The following SLC6A4 variants were observed in gnomAD, a reference collection of about 807,000 sequenced individuals.
SLC6A4 encodes solute carrier family 6 member 4.
In SLC6A4, 22 loss-of-function variants were observed where a neutral mutation model predicts 73.4. The observed-to-expected ratio is 0.30, with a 90% CI of 0.21 to 0.43. The LOEUF is 0.43. SLC6A4 is among the 20% of genes least tolerant of loss of function. The probability of loss-of-function intolerance (pLI) is 1.00; values close to 1 mark genes in which losing one functional copy is unlikely to be tolerated. For synonymous variants in SLC6A4, 270 were observed against 315.5 expected, an observed-to-expected ratio of 0.86 and a Z score of 1.53; for missense variants, 593 against 808.5, an observed-to-expected ratio of 0.73 and a Z score of 3.23.
At chr17:30,209,359 C>G (rs893527968) in intron 11 of SLC6A4, 117 bp from the exon 12 acceptor site, 4 of 650,150 alleles carry the variant, frequency 6.2e-6, no homozygotes, top group African/African-American at 1.8e-5. Context: ...CACCTGGGAC[C>G]GAACGTGAGT....
At chr17:30,220,433 A>T (rs1446067759) in intron 3 of SLC6A4, among the ~76,000 whole-genome samples, 1 of 152,138 alleles carries the variant, frequency 6.6e-6, no homozygotes, top group Non-Finnish European at 1.5e-5. Context: ...ATAATCTACA[A>T]GTTAACTACT....
Position 30,218,384 on chromosome 17 carries a change from G to A in SLC6A4, c.479-47C>T, listed in dbSNP as rs529525180. 4 of 1,487,982 alleles carry A rather than the reference G, an allele frequency of 2.7e-6. No individual in the cohort carries two copies. The South Asian group carries it at 3.5e-5, about 13-fold the overall frequency. The allele number at this position is 1,487,982 out of a possible 1,614,324, so 92.2% of individuals were successfully genotyped here. On this transcript the variant is annotated intron_variant, in intron 4 of 14. Coordinates refer to ENST00000650711, the MANE Select transcript of SLC6A4 (RefSeq NM_001045.6). ...GAGACAGAGGCCGAGTTTAAGGGTG[G>A]CCCAACGGCAAAAGGCTGAAACGGG...
In SLC6A4 at chr17:30,225,049, A is replaced by G. The variant is rs56150732; in HGVS notation, c.-220-2134T>C. Among the ~76,000 whole-genome samples the G allele has an allele frequency of 1.7e-3, 256 of 152,248 alleles. 1 individual carries two copies. The highest frequency in any genetic ancestry group is 5.7e-3 in the African/African-American group (237 of 41,528). On this transcript the variant is annotated intron_variant, in intron 1 of 14. Transcript: ENST00000650711. ...TACATCAACAGGCTGAAATGGCCCC[A>G]GTGCAAGAAAACCCAGAGCATCCCT...
At chr17:30,204,220 AATTTT>A (rs1179506614) in intron 13 of SLC6A4, 4 of 152,338 alleles carry the variant, frequency 2.6e-5, no homozygotes, top group African/African-American at 4.8e-5. Context: ...CTGTTGATTT[AATTTT>A]ATTTTATTAT....
At chr17:30,221,587 A>G in intron 3 of SLC6A4, 29 bp downstream of exon 3, 1 of 1,590,138 alleles carries the variant, frequency 6.3e-7, no homozygotes, top group East Asian at 2.2e-5. Flanking sequence ...CCTGGGTCAC[A>G]GCCTCTACTC....
At chr17:30,220,563 G>A (rs1906715082) in intron 3 of SLC6A4, among the ~76,000 whole-genome samples, 1 of 152,220 alleles carries the variant, frequency 6.6e-6, no homozygotes, top group African/African-American at 2.4e-5. Flanking sequence ...ATGTCATGCT[G>A]TGGATCTAAT....
At chr17:30,199,713 T>C (rs1188702735) in intron 14 of SLC6A4, among the ~76,000 whole-genome samples, 1 of 152,122 alleles carries the variant, frequency 6.6e-6, no homozygotes, top group African/African-American at 2.4e-5. Context: ...AAAGGAGTCA[T>C]TGCAGGGAGT....
chr17:30,207,660 A>G lies in SLC6A4; in HGVS notation c.1650+72T>C, dbSNP rs930470441. 1.8e-4 allele frequency: 185 copies of G among 1,037,678 alleles called. 1 individual carries two copies. The highest frequency in any genetic ancestry group is 2.5e-4 in the Non-Finnish European group (164 of 661,608). The allele number at this position is 1,037,678 out of a possible 1,614,324, so 64.3% of individuals were successfully genotyped here. A position where few individuals can be genotyped will look rare whatever the true frequency, so the allele number is the denominator to read the frequency against. ...GGATGAGCCACCGTGCCCAGCCATT[A>G]CAATTCATTTTTTATGTGTCTGGGG... On this transcript the variant is annotated intron_variant, in intron 13 of 14. Transcript: ENST00000650711.
intron 1 of SLC6A4, among the ~76,000 whole-genome samples, chr17:30,230,720 TGGAGGGGAGAA>T (rs1907086617): frequency 6.6e-6 from 1 of 151,548 alleles, no homozygotes; most frequent in South Asian, 2.1e-4. Flanking sequence ...GGGTGGGGCA[TGGAGGGGAGAA>T]GGAGAGGTGA....
intron 1 of SLC6A4, among the ~76,000 whole-genome samples, chr17:30,231,726 G>C (rs1214983007): frequency 6.6e-6 from 1 of 152,194 alleles, no homozygotes; most frequent in Non-Finnish European, 1.5e-5. Context: ...CTCAGCCAGT[G>C]CTGGGAAACT....
Position 30,210,539 on chromosome 17 carries a change from A to G in SLC6A4, c.1425T>C (p.Phe475=), listed in dbSNP as rs1906350809. The change falls in exon 11 of 15, where the codon TTT becomes TTC. Residue 475 remains phenylalanine (F), a synonymous_variant. Coordinates refer to ENST00000650711, the MANE Select transcript of SLC6A4 (RefSeq NM_001045.6). ...CAAAAGTCAGGGTGACCAGGGATCC[A>G]AAGAAGCAGGTGATGACCACGGCGA... ...FVLAVVITCF[F]GSLVTLTFGG... is the part of the protein sequence containing the mutation. The G allele has an allele frequency of 9.3e-6, 15 of 1,613,798 alleles. No homozygotes were observed. Among genetic ancestry groups the G allele is most frequent in the Non-Finnish European group, 1.3e-5 (15 of 1,179,884 alleles).
At chr17:30,215,239 C>T (rs1332064698) in intron 8 of SLC6A4, among the ~76,000 whole-genome samples, 1 of 152,146 alleles carries the variant, frequency 6.6e-6, no homozygotes, top group Non-Finnish European at 1.5e-5. Flanking sequence ...GACAGGGTTT[C>T]GCCATGTTGG....
In SLC6A4 at chr17:30,222,837, C is replaced by G. The variant is rs1226342409; in HGVS notation, c.-142G>C. 16 of 1,304,602 alleles carry G rather than the reference C, an allele frequency of 1.2e-5. No homozygotes were observed. In the South Asian group the frequency reaches 1.9e-4, roughly 15 times the overall value. 80.8% of individuals were successfully genotyped at this position (1,304,602 alleles called of 1,614,324 possible). A position where few individuals can be genotyped will look rare whatever the true frequency, so the allele number is the denominator to read the frequency against. On this transcript the variant is annotated 5_prime_UTR_variant, in exon 2 of 15. Transcript: ENST00000650711. ...TGCTCACCATTTGTTCTTCTTTCCA[C>G]TTGCCAGCAACTCCTGTGGCTAAGC...
chr17:30,210,615 A>G lies in SLC6A4; in HGVS notation c.1349T>C (p.Val450Ala). Reference sequence around the variant, plus strand: ...CCAGACGTGTGGGAACTCATCCAGCACAGCCGTGATCACCCCCTCCAAGCC... The same window carrying G: ...CCAGACGTGTGGGAACTCATCCAGCGCAGCCGTGATCACCCCCTCCAAGCC... ...FAGLEGVITA[V>A]LDEFPHVWAK... is the part of the protein sequence containing the mutation. The change falls in exon 11 of 15, where the codon GTG (valine) becomes GCG (alanine). Residue 450 changes from valine to alanine, a missense_variant. Val to Ala is a moderately conservative substitution (Grantham distance 64). Transcript: ENST00000650711. The G allele has an allele frequency of 6.2e-7, 1 of 1,613,604 alleles. No individual in the cohort carries two copies. The highest frequency in any genetic ancestry group is 1.1e-5 in the South Asian group (1 of 91,020).
rs763069645 is a variant in SLC6A4 at position 30,221,918 on chromosome 17, G to T, written c.41C>A (p.Ala14Glu). The change falls in exon 3 of 15, where the codon GCG becomes GAG. Residue 14 changes from alanine to glutamate, a missense_variant. By Grantham distance (107) the Ala-to-Glu change is moderately radical. Transcript: ENST00000650711. ...CTGACAATCTTCTCCATCTTCACACGCTGATAGCTGCTTCTGAGAATTCAA... is the reference window on the plus strand; with the variant it reads ...CTGACAATCTTCTCCATCTTCACACTCTGATAGCTGCTTCTGAGAATTCAA... ...TPLNSQKQLS[A>E]CEDGEDCQEN... 7.4e-6 allele frequency: 12 copies of T among 1,614,104 alleles called. No homozygotes were observed. The highest frequency in any genetic ancestry group is 1.6e-4 in the Middle Eastern group (1 of 6,062).
chr17:30,205,411 A>G (rs1389973927), intron 13 of SLC6A4, among the ~76,000 whole-genome samples: 3 of 152,200 alleles, frequency 2.0e-5, no homozygotes, highest in Non-Finnish European at 2.9e-5. Context: ...AAAAACAAAT[A>G]AAAATATTTA....
intron 13 of SLC6A4, chr17:30,204,512 C>G (rs1003882111): frequency 5.3e-5 from 8 of 152,206 alleles, no homozygotes; most frequent in African/African-American, 1.9e-4. Flanking sequence ...AGGAGCCATC[C>G]CGGCTGCTTG....
At chr17:30,219,204 A>G (rs931156545) in intron 3 of SLC6A4, among the ~76,000 whole-genome samples, 10 of 152,154 alleles carry the variant, frequency 6.6e-5, no homozygotes, top group Admixed American at 6.5e-4. Context: ...GCAGGATCAC[A>G]TCCACTTATG....
At chr17:30,234,788 T>G (rs1225985791) in intron 1 of SLC6A4, among the ~76,000 whole-genome samples, 2 of 152,178 alleles carry the variant, frequency 1.3e-5, no homozygotes, top group African/African-American at 4.8e-5. Flanking sequence ...CACAAAGTCT[T>G]TGTAATGTCT....
Sources: gnomAD v4.1 joint callset for allele counts (sites outside exome capture counted in the v4.1 genomes callset) on GRCh38, gnomAD v4.1.1 for gene constraint, MANE v1.5 for transcripts, NCBI Gene and HGNC (gene_info 2026-07-23, HGNC 2026-07-21) for gene names.